The following GFRA2 variants were observed in gnomAD, a reference collection of about 807,000 sequenced individuals.
The protein encoded by GFRA2 is GDNF family receptor alpha 2, also known as GDNF family receptor alpha-2.
A neutral mutation model predicts 48.3 loss-of-function variants in GFRA2; 17 were observed. The ratio of observed to expected loss-of-function variants is 0.35; its 90% CI spans 0.24 to 0.53. The LOEUF (loss-of-function observed/expected upper bound fraction) is 0.53. GFRA2 is among the 20% of genes least tolerant of loss of function. The probability of loss-of-function intolerance (pLI) is 0.93; values close to 1 mark genes in which losing one functional copy is unlikely to be tolerated. For missense variants in GFRA2, 660 were observed against 637.3 expected (o/e 1.04, Z -0.38); for synonymous variants, 305 against 257.2 (o/e 1.19, Z -1.78).
At chr8:21,755,583 T>G (rs1016882854) in intron 3 of GFRA2, among the ~76,000 whole-genome samples, 32 of 151,118 alleles carry the variant, frequency 2.1e-4, no homozygotes, top group Non-Finnish European at 2.7e-4. Context: ...CCAATGTGAG[T>G]TCTGTGTCAG....
At chr8:21,693,465 G>C in intron 8 of GFRA2, 65 bp from the exon 9 acceptor site, 2 of 1,478,362 alleles carry the variant, frequency 1.4e-6, no homozygotes, top group Non-Finnish European at 1.8e-6. Flanking sequence ...CAGTCAGGAG[G>C]CCTGGGACCC....
chr8:21,745,264 T>C (rs1159574198), intron 4 of GFRA2, among the ~76,000 whole-genome samples: 1 of 152,162 alleles, frequency 6.6e-6, no homozygotes, highest in Non-Finnish European at 1.5e-5. Context: ...TCCACCAAGA[T>C]TCCCCCTGCA....
At position 21,808,464 on chromosome 8, in the gene GFRA2, G is replaced by C. The variant is rs575580250; in HGVS notation, c.-147-3336C>G. ...ATGGACAGGGAATTGAAATAAAAAG[G>C]AATTAGTCAACTTTCCAAAGTCAGA... On this transcript the variant is annotated intron_variant, in intron 1 of 10. Coordinates refer to the GFRA2 transcript ENST00000517328. Among the ~76,000 whole-genome samples the C allele has an allele frequency of 1.1e-3, 169 of 152,330 alleles. 1 individual carries two copies. The highest frequency in any genetic ancestry group is 1.8e-3 in the Non-Finnish European group (120 of 68,032).
chr8:21,774,819 G>C (rs1806614973), intron 3 of GFRA2, among the ~76,000 whole-genome samples, 153 bp downstream of exon 3: 1 of 152,214 alleles, frequency 6.6e-6, no homozygotes, highest in African/African-American at 2.4e-5. Flanking sequence ...TCTTTACAGA[G>C]GAGGAACTGA....
intron 3 of GFRA2, among the ~76,000 whole-genome samples, chr8:21,759,464 G>GAGAA (rs1805772404): frequency 9.2e-6 from 1 of 109,150 alleles, no homozygotes; most frequent in African/African-American, 4.0e-5. Context: ...GAGGGAGGGA[G>GAGAA]GGAGGGAGGG....
In GFRA2 at chr8:21,788,509, C is replaced by A; in HGVS notation, c.-350G>T. 1.9e-6 allele frequency: 2 copies of A among 1,057,070 alleles called. No individual in the cohort carries two copies. Among genetic ancestry groups the A allele is most frequent in the Non-Finnish European group, 2.3e-6 (2 of 877,542 alleles). 65.5% of individuals were successfully genotyped at this position (1,057,070 alleles called of 1,614,324 possible). A position where few individuals can be genotyped will look rare whatever the true frequency, so the allele number is the denominator to read the frequency against. On this transcript the variant is annotated 5_prime_UTR_variant, in exon 1 of 9. Transcript: ENST00000524240. ...GGCGTGAGTCCCCGCGGGTCCAATT[C>A]CCCTGCGCTTCCCAGGAGGGGCCTG...
chr8:21,782,924 G>A, intron 1 of GFRA2, 25 bp from the exon 2 acceptor site: 2 of 1,533,410 alleles, frequency 1.3e-6, no homozygotes, highest in Non-Finnish European at 1.7e-6. Context: ...GGGAAGACAA[G>A]CATGAATGAC....
At chr8:21,770,127 A>G (rs35380113) in intron 3 of GFRA2, among the ~76,000 whole-genome samples, 59,427 of 152,018 alleles carry the variant, frequency 0.39, 11,927 homozygotes, top group African/African-American at 0.47. Flanking sequence ...AGGGACCCAC[A>G]GCTCTCTGGA....
At chr8:21,798,566 C>T (rs1807717491) in intron 2 of GFRA2, among the ~76,000 whole-genome samples, 1 of 152,212 alleles carries the variant, frequency 6.6e-6, no homozygotes, top group South Asian at 2.1e-4. Flanking sequence ...TCTAGGATAA[C>T]AGTCCTCTAC....
intron 4 of GFRA2, among the ~76,000 whole-genome samples, chr8:21,724,229 T>G (rs35550712): frequency 0.23 from 35,410 of 151,586 alleles, 4,987 homozygotes; most frequent in African/African-American, 0.4. Flanking sequence ...TGGTCTTGTG[T>G]GGGGGGCCTG....
At chr8:21,713,016 G>A (rs961024035) in intron 4 of GFRA2, among the ~76,000 whole-genome samples, 12 of 148,658 alleles carry the variant, frequency 8.1e-5, no homozygotes, top group Non-Finnish European at 1.8e-4. Context: ...AGAGGGAGAC[G>A]AGGGAGAGGG....
chr8:21,758,195 G>C (rs1004566040), intron 3 of GFRA2, among the ~76,000 whole-genome samples: 4 of 125,730 alleles, frequency 3.2e-5, no homozygotes, highest in African/African-American at 1.5e-4. Context: ...GGCTGCCCTT[G>C]GCCCACTCCC....
intron 3 of GFRA2, among the ~76,000 whole-genome samples, chr8:21,754,575 C>T (rs534605840): frequency 6.4e-4 from 88 of 136,836 alleles, no homozygotes; most frequent in African/African-American, 2.3e-3. Flanking sequence ...ATGGTGTGAT[C>T]GCGGCTCACT....
intron 2 of GFRA2, among the ~76,000 whole-genome samples, chr8:21,802,342 G>A (rs1395523993): frequency 2.0e-5 from 3 of 152,158 alleles, no homozygotes; most frequent in Admixed American, 6.5e-5. Context: ...TAGACACATT[G>A]CCTCTGTCTT....
intron 2 of GFRA2, among the ~76,000 whole-genome samples, chr8:21,776,392 C>A (rs1321941501): frequency 6.6e-6 from 1 of 151,984 alleles, no homozygotes; most frequent in Non-Finnish European, 1.5e-5. Flanking sequence ...TAAAAGCAAC[C>A]CTCATGCCCC....
intron 4 of GFRA2, among the ~76,000 whole-genome samples, chr8:21,747,756 CCACACACACACACACACACACA>C (rs61578379): frequency 7.2e-6 from 1 of 139,060 alleles, no homozygotes; most frequent in Non-Finnish European, 1.5e-5. Flanking sequence ...CCATCTTCCA[CCACACACACACACACACACACA>C]CACACACACA....
chr8:21,759,466 G>GAAAGA (rs1487124275), intron 3 of GFRA2, among the ~76,000 whole-genome samples: 1,341 of 115,858 alleles, frequency 0.012, 7 homozygotes, highest in Middle Eastern at 0.016. Context: ...GGGAGGGAGG[G>GAAAGA]AGGGAGGGAA....
intron 3 of GFRA2, among the ~76,000 whole-genome samples, chr8:21,774,022 A>G (rs968735406): frequency 2.6e-5 from 4 of 152,312 alleles, no homozygotes; most frequent in Middle Eastern, 3.4e-3. Flanking sequence ...CAGAAACTCC[A>G]GAACATTTCA....
intron 3 of GFRA2, among the ~76,000 whole-genome samples, chr8:21,751,644 T>C (rs1805299540): frequency 1.3e-5 from 2 of 152,180 alleles, no homozygotes; most frequent in African/African-American, 4.8e-5. Flanking sequence ...CAGTATTTCC[T>C]GAGCACCACT....
Sources: gnomAD v4.1 joint callset for allele counts (sites outside exome capture counted in the v4.1 genomes callset) on GRCh38, gnomAD v4.1.1 for gene constraint, MANE v1.5 for transcripts, NCBI Gene and HGNC (gene_info 2026-07-23, HGNC 2026-07-21) for gene names.